MICAL3: variants seen among roughly 807,000 people sequenced by gnomAD.
MICAL3 encodes microtubule associated monooxygenase, calponin and LIM domain containing 3.
Under a neutral mutation model 207.4 loss-of-function variants are expected in MICAL3, and 62 were observed. The ratio of observed to expected loss-of-function variants is 0.30; its 90% CI spans 0.24 to 0.37. The LOEUF (loss-of-function observed/expected upper bound fraction) is 0.37. Ranked by LOEUF, MICAL3 falls within the 10% of genes least tolerant of loss-of-function variation. The pLI, the probability that MICAL3 is intolerant of heterozygous loss-of-function variation, is 1.00. For missense variants in MICAL3, 2,368 were observed against 2,635.6 expected (o/e 0.90, Z 2.22); for synonymous variants, 1,077 against 1,069.3 (o/e 1.01, Z -0.14).
chr22:17,837,085 CT>C (rs1162847077), intron 20 of MICAL3, among the ~76,000 whole-genome samples: 3 of 152,246 alleles, frequency 2.0e-5, no homozygotes, highest in African/African-American at 7.2e-5. Flanking sequence ...TGCAAACCCT[CT>C]CCTGCTGAGG....
intron 29 of MICAL3, among the ~76,000 whole-genome samples, chr22:17,800,523 C>T (rs369521344): frequency 2.6e-5 from 4 of 152,248 alleles, no homozygotes; most frequent in South Asian, 4.1e-4. Flanking sequence ...TCTTTATACT[C>T]TGTGGCTGAA....
chr22:17,904,507 A>G (rs1931571612), intron 3 of MICAL3, 125 bp downstream of exon 3: 1 of 756,250 alleles, frequency 1.3e-6, no homozygotes, highest in South Asian at 1.5e-5. Context: ...TATAAGAAAG[A>G]CAGTAATGAG....
Position 17,841,442 on chromosome 22 carries a change from T to A in MICAL3, c.2801+380A>T. On this transcript the variant is annotated intron_variant, in intron 20 of 31. Coordinates refer to ENST00000441493, the MANE Select transcript of MICAL3 (RefSeq NM_015241.3). The surrounding 1 kb of genome is among the most constrained non-coding windows in gnomAD (Gnocchi z 4.2). ...AGATGCCTGGGGGACGGACTAGGCC[T>A]CCCTCAAGACGGCCCGGTGCACTGG... The A allele has an allele frequency of 2.4e-6, 1 of 410,118 alleles. No individual in the cohort carries two copies. Among genetic ancestry groups the A allele is most frequent in the Non-Finnish European group, 4.4e-6 (1 of 228,388 alleles). 25.4% of individuals were successfully genotyped at this position (410,118 alleles called of 1,614,324 possible). A position where few individuals can be genotyped will look rare whatever the true frequency, so the allele number is the denominator to read the frequency against.
At chr22:17,913,945 C>T (rs2146283199) in intron 1 of MICAL3, among the ~76,000 whole-genome samples, 1 of 152,202 alleles carries the variant, frequency 6.6e-6, no homozygotes, top group Non-Finnish European at 1.5e-5. Context: ...AAGAAGAATG[C>T]CTGAGGCTCA....
intron 28 of MICAL3, among the ~76,000 whole-genome samples, chr22:17,810,054 ATTTTTTTT>A (rs758573402): frequency 4.1e-5 from 4 of 97,058 alleles, no homozygotes; most frequent in South Asian, 7.0e-4. Flanking sequence ...ATGCCTGGCT[ATTTTTTTT>A]TTTTTTTTTT....
intron 29 of MICAL3, among the ~76,000 whole-genome samples, chr22:17,803,224 C>T (rs2061957361): frequency 6.6e-6 from 1 of 152,090 alleles, no homozygotes; most frequent in East Asian, 1.9e-4. Flanking sequence ...AAAAGAAGTA[C>T]AAAGTGAGCC....
At chr22:17,897,988 T>C (rs901649630) in intron 7 of MICAL3, among the ~76,000 whole-genome samples, 1 of 152,144 alleles carries the variant, frequency 6.6e-6, no homozygotes, top group African/African-American at 2.4e-5. Flanking sequence ...CACTACAAGA[T>C]GTTAAAGCCA....
At chr22:17,881,224 C>T (rs371089774) in intron 16 of MICAL3, 21 of 1,612,392 alleles carry the variant, frequency 1.3e-5, no homozygotes, top group East Asian at 2.2e-5. Context: ...GCCATGTGCC[C>T]GACAGGGAGG....
intron 3 of MICAL3, among the ~76,000 whole-genome samples, chr22:17,904,338 C>T (rs1480770924): frequency 6.6e-6 from 1 of 152,242 alleles, no homozygotes; most frequent in Admixed American, 6.5e-5. Flanking sequence ...CAGTGCCCAT[C>T]CCACAAACTG....
At chr22:17,891,276 A>G (rs1930376909) in intron 12 of MICAL3, among the ~76,000 whole-genome samples, 1 of 152,226 alleles carries the variant, frequency 6.6e-6, no homozygotes, top group African/African-American at 2.4e-5. Context: ...AATTGGAAAA[A>G]AACAAAAATA....
rs148305125 is a variant in MICAL3 at position 17,888,753 on chromosome 22, C to T, written c.1891+281G>A. 6.8e-4 allele frequency among the ~76,000 whole-genome samples: 103 copies of T among 152,186 alleles called. No individual in the cohort carries two copies. The Middle Eastern group carries it at 0.014, about 20-fold the overall frequency. ...TTCAAAAAGGCTGGCTCTGAGAGCA[C>T]GAGCACTAGAAGGTGGTGGTCACGG... On this transcript the variant is annotated intron_variant, in intron 13 of 31. Coordinates refer to ENST00000441493, the MANE Select transcript of MICAL3 (RefSeq NM_015241.3).
chr22:18,001,554 G>C (rs1923020497), intron 1 of MICAL3: 1 of 152,274 alleles, frequency 6.6e-6, no homozygotes, highest in Non-Finnish European at 1.5e-5. Flanking sequence ...TGTGGCCCTC[G>C]GGCCGGACCA....
At position 17,816,580 on chromosome 22, in the gene MICAL3, C is replaced by T. The variant is rs146584845; in HGVS notation, c.5445+110G>A. 4,939 of 844,422 alleles carry T rather than the reference C, an allele frequency of 5.8e-3. 23 individuals are homozygous for T. Among genetic ancestry groups the T allele is most frequent in the Non-Finnish European group, 7.9e-3 (4,099 of 521,032 alleles). The allele number at this position is 844,422 out of a possible 1,614,324, so 52.3% of individuals were successfully genotyped here. A position where few individuals can be genotyped will look rare whatever the true frequency, so the allele number is the denominator to read the frequency against. On this transcript the variant is annotated intron_variant, in intron 27 of 31. Coordinates refer to ENST00000441493, the MANE Select transcript of MICAL3 (RefSeq NM_015241.3). Reference sequence around the variant, plus strand: ...CAGTCAGCTGGCTATGCGCCACTAGCTGTCCATCCCTGGCTTGCGGTTTGC... The same window carrying T: ...CAGTCAGCTGGCTATGCGCCACTAGTTGTCCATCCCTGGCTTGCGGTTTGC...
rs560265344 is a variant in MICAL3, at chr22:17,875,582, A to G, written c.2242-3559T>C. ...ATAAAATACAAGATGGAGAAAAACA[A>G]AAGTAAAGGAAATGTTAAATTAAGT... On this transcript the variant is annotated intron_variant, in intron 16 of 31. Transcript: ENST00000441493. The G allele has an allele frequency of 7.3e-5, 104 of 1,425,638 alleles. 1 individual carries two copies. In the East Asian group the frequency reaches 2.6e-3, roughly 35 times the overall value. The allele number at this position is 1,425,638 out of a possible 1,614,324, so 88.3% of individuals were successfully genotyped here.
Position 17,818,708 on chromosome 22 carries a change from A to AG in MICAL3, c.3952dup (p.Leu1318ProfsTer52). ...CTCCTCCACCAGGTCGCTCCGTCTG[A>AG]GGGCCTCATCCACAGCAAGGGGGCT... On this transcript the variant is annotated frameshift_variant, in exon 26 of 32. Transcript: ENST00000441493. LOFTEE classifies it high-confidence loss of function. The AG allele has an allele frequency of 6.2e-7, 1 of 1,613,510 alleles. No individual in the cohort carries two copies.
At chr22:17,891,376 T>A in intron 12 of MICAL3, 109 bp downstream of exon 12, 2 of 930,136 alleles carry the variant, frequency 2.2e-6, no homozygotes, top group South Asian at 1.6e-5. Context: ...AGAGAAAGTA[T>A]CTTACTATGT....
intron 1 of MICAL3, among the ~76,000 whole-genome samples, chr22:17,938,327 G>T (rs1933644106): frequency 6.6e-6 from 1 of 152,166 alleles, no homozygotes; most frequent in Non-Finnish European, 1.5e-5. Flanking sequence ...CCTCCATAGG[G>T]GGACCAGAGC....
intron 2 of MICAL3, 93 bp downstream of exon 2, chr22:17,906,456 A>G (rs999817212): frequency 1.2e-6 from 2 of 1,606,196 alleles, no homozygotes; most frequent in Non-Finnish European, 1.7e-6. Flanking sequence ...GACCTTGTAG[A>G]TCATATATGG....
chr22:17,839,258 ATTTT>A lies in MICAL3; in HGVS notation c.2801+2560_2801+2563del, dbSNP rs58568915. Among the ~76,000 whole-genome samples, 13 of 110,390 alleles carry A rather than the reference ATTTT, an allele frequency of 1.2e-4. 1 individual carries two copies. The highest frequency in any genetic ancestry group is 2.1e-4 in the Non-Finnish European group (12 of 55,846). 72.4% of individuals were successfully genotyped at this position (110,390 alleles called of 152,430 possible). The stretch of plus-strand genomic sequence containing the variant: ...GCTACCGCACCAGGCCGGGCTCTTC[ATTTT>A]TTTTTTTTTTTTTGAGACGAAGTCT... On this transcript the variant is annotated intron_variant, in intron 20 of 31. Transcript: ENST00000441493.
Sources: allele counts gnomAD v4.1 joint callset (sites outside exome capture counted in the v4.1 genomes callset), GRCh38; gene constraint gnomAD v4.1.1; non-coding constraint Gnocchi (gnomAD v3.1); transcripts MANE v1.5; gene names NCBI Gene and HGNC (gene_info 2026-07-23, HGNC 2026-07-21).